Variants in R3HDM4 observed in about 807,000 individuals in gnomAD.
The protein encoded by R3HDM4 is R3H domain containing 4.
A neutral mutation model predicts 31.3 loss-of-function variants in R3HDM4; 30 were observed. That is an observed-to-expected ratio of 0.96 (90% confidence interval 0.72 to 1.30). The LOEUF (loss-of-function observed/expected upper bound fraction) is 1.30, where lower values mean the gene tolerates loss of function less well. Among genes scored for constraint, R3HDM4 ranks in the 50% most tolerant of loss-of-function variants. The pLI is 0.00. For missense variants in R3HDM4, 444 were observed against 366.1 expected (o/e 1.21, Z -1.74); for synonymous variants, 196 against 156.6 (o/e 1.25, Z -1.88).
rs1272922285 is a variant in R3HDM4, at chr19:899,183, T to C, written c.703+257A>G. Among the ~76,000 whole-genome samples the C allele has an allele frequency of 6.6e-6, 1 of 152,056 alleles. No homozygotes were observed. The highest frequency in any genetic ancestry group is 1.9e-4 in the East Asian group (1 of 5,196). ...TCACCCCCACCCCGGGCCCCGAAGA[T>C]GCAGATGGAGGAGTGTCTGTGTCCA... On this transcript the variant is annotated intron_variant, in intron 7 of 7. Transcript: ENST00000361574. The surrounding 1 kb of genome is among the most constrained non-coding windows in gnomAD (Gnocchi z 6.8).
chr19:912,435 G>C (rs350154), intron 1 of R3HDM4, among the ~76,000 whole-genome samples: 61,091 of 80,828 alleles, frequency 0.76, 24,520 homozygotes, highest in East Asian at 0.94. Context: ...AGGGAGTTGG[G>C]GGGTGGAACC....
In R3HDM4 at chr19:902,069, T is replaced by C; in HGVS notation, c.133A>G (p.Arg45Gly). ...TGGTTGATGAAGTGCTGTTTCCGCC[T>C]GGAAGCCGAGAGTCTCTTCACCTGG... The part of the protein sequence containing the change: ...SSQVKRLSAS[R>G]RKQHFINQAV... The change falls in exon 2 of 8, where the codon AGG becomes GGG. Residue 45 changes from arginine (R) to glycine (G), a missense_variant. Arg to Gly is a moderately radical substitution (Grantham distance 125, BLOSUM62 -2). Coordinates refer to ENST00000361574, the MANE Select transcript of R3HDM4 (RefSeq NM_138774.4). The C allele has an allele frequency of 6.2e-7, 1 of 1,613,838 alleles. No homozygotes were observed. The highest frequency in any genetic ancestry group is 8.5e-7 in the Non-Finnish European group (1 of 1,179,994).
chr19:904,723 A>G (rs1418479694), intron 1 of R3HDM4, among the ~76,000 whole-genome samples: 2 of 151,796 alleles, frequency 1.3e-5, no homozygotes, highest in Non-Finnish European at 2.9e-5. Context: ...CTGCAGTGAG[A>G]TGAGATCGTA....
At chr19:909,124 G>A (rs977758302) in intron 1 of R3HDM4, among the ~76,000 whole-genome samples, 2 of 152,248 alleles carry the variant, frequency 1.3e-5, no homozygotes, top group African/African-American at 2.4e-5. Flanking sequence ...CCACAGAAGA[G>A]GGGGGCAGCC....
rs973572464 is a variant in R3HDM4, at chr19:899,008, G to A, written c.703+432C>T. Among the ~76,000 whole-genome samples, 1 of 152,184 alleles carries A rather than the reference G, an allele frequency of 6.6e-6. No homozygotes were observed. Among genetic ancestry groups the A allele is most frequent in the Admixed American group, 6.5e-5 (1 of 15,280 alleles). ...TGAGTTCTGAGACTGCGCCCCGTTGGAAAAGTGGAGCGCAGGGGCCAGTAG... is the reference window on the plus strand; with the variant it reads ...TGAGTTCTGAGACTGCGCCCCGTTGAAAAAGTGGAGCGCAGGGGCCAGTAG... On this transcript the variant is annotated intron_variant, in intron 7 of 7. Coordinates refer to ENST00000361574, the MANE Select transcript of R3HDM4 (RefSeq NM_138774.4). The surrounding 1 kb of genome is among the most constrained non-coding windows in gnomAD (Gnocchi z 6.8).
At chr19:900,198 G>A (rs1456580705) in intron 4 of R3HDM4, 52 bp from the exon 5 acceptor site, 2 of 1,434,104 alleles carry the variant, frequency 1.4e-6, no homozygotes, top group Non-Finnish European at 1.9e-6. Flanking sequence ...TCCTGGCCCT[G>A]CCCACCTGCC....
chr19:901,525 A>C lies in R3HDM4; in HGVS notation c.248T>G (p.Leu83Arg). The change falls in exon 3 of 8, where the codon CTG (leucine) becomes CGG (arginine). Residue 83 changes from leucine (L) to arginine (R), a missense_variant. Leu to Arg is a moderately radical substitution (Grantham distance 102). Transcript: ENST00000361574. ...GCCAGGCAGGCCCCCGTCTGTCTCC[A>C]GCAGGGTCAGGAGGTACTGGGCTAG... ...LENTQYLLTLLETDGGLPGLE... is the reference protein window; with the variant it reads ...LENTQYLLTLRETDGGLPGLE... 6.2e-7 allele frequency: 1 copy of C among 1,607,266 alleles called. No individual in the cohort carries two copies. The highest frequency in any genetic ancestry group is 8.5e-7 in the Non-Finnish European group (1 of 1,179,744).
chr19:903,751 C>T (rs1284670652), intron 1 of R3HDM4, among the ~76,000 whole-genome samples: 2 of 152,226 alleles, frequency 1.3e-5, no homozygotes, highest in Non-Finnish European at 2.9e-5. Context: ...AGAGCAAGAC[C>T]GTGTCTCAAA....
At chr19:904,395 C>A (rs914135423) in intron 1 of R3HDM4, among the ~76,000 whole-genome samples, 2 of 152,170 alleles carry the variant, frequency 1.3e-5, no homozygotes, top group African/African-American at 2.4e-5. Context: ...AATAAAAATT[C>A]TGTGATTCCA....
intron 1 of R3HDM4, among the ~76,000 whole-genome samples, chr19:903,229 C>CA (rs918992743): frequency 2.1e-4 from 12 of 57,314 alleles, no homozygotes; most frequent in African/African-American, 5.6e-4. Flanking sequence ...GATGCCTCAG[C>CA]CCCCCCCGCA....
chr19:903,167 C>A (rs1397694461), intron 1 of R3HDM4, among the ~76,000 whole-genome samples: 3 of 151,574 alleles, frequency 2.0e-5, no homozygotes, highest in Admixed American at 6.6e-5. Flanking sequence ...TTATCCACAT[C>A]CCCCACTCCC....
At chr19:905,629 G>C (rs1392093594) in intron 1 of R3HDM4, among the ~76,000 whole-genome samples, 2 of 149,394 alleles carry the variant, frequency 1.3e-5, no homozygotes, top group Non-Finnish European at 1.5e-5. Flanking sequence ...AGGTTGCAGT[G>C]AGCCAAGATC....
intron 1 of R3HDM4, among the ~76,000 whole-genome samples, chr19:912,861 C>T (rs350157): frequency 2.0e-5 from 3 of 151,788 alleles, no homozygotes; most frequent in African/African-American, 7.2e-5. Context: ...AGGGTGTCCC[C>T]GCTGAGTAAC....
At chr19:908,328 C>T (rs778327259) in intron 1 of R3HDM4, among the ~76,000 whole-genome samples, 1 of 151,878 alleles carries the variant, frequency 6.6e-6, no homozygotes, top group Non-Finnish European at 1.5e-5. Context: ...CATGCCTGGC[C>T]GGGCGCAGTG....
intron 1 of R3HDM4, among the ~76,000 whole-genome samples, chr19:909,607 C>T (rs1023286722): frequency 6.6e-6 from 1 of 150,914 alleles, no homozygotes. Flanking sequence ...ACCAGCCTGA[C>T]CAACATAGTG....
chr19:897,591 C>G (rs752501631), intron 7 of R3HDM4, 51 bp from the exon 8 acceptor site: 2 of 1,451,990 alleles, frequency 1.4e-6, no homozygotes, highest in Admixed American at 3.9e-5. Flanking sequence ...GGAGCCGCGG[C>G]AGGTAGAGGT....
At chr19:906,031 C>CT (rs35795884) in intron 1 of R3HDM4, among the ~76,000 whole-genome samples, 51 of 147,422 alleles carry the variant, frequency 3.5e-4, no homozygotes, top group Non-Finnish European at 3.5e-4. Flanking sequence ...CTGAAACCCC[C>CT]TTTTTTTTTT....
intron 4 of R3HDM4, among the ~76,000 whole-genome samples, chr19:900,481 C>T (rs1292323926): frequency 6.6e-6 from 1 of 151,522 alleles, no homozygotes; most frequent in Non-Finnish European, 1.5e-5. Context: ...TGGCCACATC[C>T]ACTCCATGTC....
intron 1 of R3HDM4, 92 bp downstream of exon 1, chr19:912,995 G>A: frequency 2.6e-6 from 1 of 385,442 alleles, no homozygotes; most frequent in South Asian, 1.0e-4. Flanking sequence ...GGAGGGAAGG[G>A]AAAGGAGGGG....
Sources: gnomAD v4.1 joint callset for allele counts (sites outside exome capture counted in the v4.1 genomes callset) on GRCh38, gnomAD v4.1.1 for gene constraint, Gnocchi (gnomAD v3.1) non-coding constraint, MANE v1.5 for transcripts, NCBI Gene and HGNC (gene_info 2026-07-23, HGNC 2026-07-21) for gene names.